Variants in ZNF736 observed in about 807,000 individuals in gnomAD.
ZNF736 encodes KRAB-containing zinc-finger repressor protein.
In ZNF736, 6 loss-of-function variants were observed where a neutral mutation model predicts 11.7. That is an observed-to-expected ratio of 0.51 (90% CI 0.28 to 1.01). The LOEUF (loss-of-function observed/expected upper bound fraction) is 1.01, where lower values mean the gene tolerates loss of function less well. Among genes scored for constraint, ZNF736 ranks in the 50% least tolerant of loss-of-function variants. ZNF736 has a pLI of 0.09. For synonymous variants in ZNF736, 139 were observed against 164.7 expected, an observed-to-expected ratio of 0.84 and a Z score of 1.19; for missense variants, 444 against 496.0, an observed-to-expected ratio of 0.90 and a Z score of 1.00.
chr7:64,331,635 A>G (rs1354837720), intron 1 of ZNF736, among the ~76,000 whole-genome samples: 1 of 152,128 alleles, frequency 6.6e-6, no homozygotes, highest in African/African-American at 2.4e-5. Context: ...ATCTTGCTCC[A>G]CTTCCCTTGC....
intron 1 of ZNF736, among the ~76,000 whole-genome samples, chr7:64,322,564 T>G (rs1789016666): frequency 1.3e-5 from 2 of 152,198 alleles, no homozygotes; most frequent in Admixed American, 1.3e-4. Context: ...AAATTACGGC[T>G]GAGAATGTGA....
At chr7:64,332,434 A>G (rs755347924) in intron 1 of ZNF736, among the ~76,000 whole-genome samples, 6 of 152,204 alleles carry the variant, frequency 3.9e-5, no homozygotes, top group Non-Finnish European at 5.9e-5. Context: ...CAAAGATCAC[A>G]TGCTTCAAAG....
intron 2 of ZNF736, 115 bp downstream of exon 2, chr7:64,336,500 A>G (rs1789252609): frequency 8.8e-7 from 1 of 1,131,422 alleles, no homozygotes; most frequent in Non-Finnish European, 1.2e-6. Flanking sequence ...CTTCAAAAAG[A>G]AAAAATTGGG....
intron 1 of ZNF736, among the ~76,000 whole-genome samples, chr7:64,322,215 C>T (rs1308190555): frequency 6.6e-6 from 1 of 151,896 alleles, no homozygotes; most frequent in Non-Finnish European, 1.5e-5. Context: ...TTCTTTTTAC[C>T]GCTTGTTCTT....
intron 3 of ZNF736, among the ~76,000 whole-genome samples, chr7:64,345,150 A>T (rs1789390829): frequency 6.6e-6 from 1 of 151,282 alleles, no homozygotes; most frequent in African/African-American, 2.4e-5. Flanking sequence ...ACGCCTCCAG[A>T]GTAGCTGGGG....
At chr7:64,334,629 T>C (rs6943206) in intron 1 of ZNF736, among the ~76,000 whole-genome samples, 13,580 of 152,136 alleles carry the variant, frequency 0.089, 986 homozygotes, top group African/African-American at 0.19. Flanking sequence ...CATTAAAAAG[T>C]CAGGAAACAG....
In ZNF736 at chr7:64,336,276, G is replaced by C; in HGVS notation, c.21G>C (p.Arg7Ser). 1 of 1,612,568 alleles carries C rather than the reference G, an allele frequency of 6.2e-7. No homozygotes were observed. The highest frequency in any genetic ancestry group is 2.2e-5 in the East Asian group (1 of 44,724). ...TTTTCCAGGGAGTGTTGACATTCAG[G>C]GATGTGGCTGTAGAATTCTCCCCAG... Reference protein sequence around the residue: MGVLTFRDVAVEFSPEE... With the variant: MGVLTFSDVAVEFSPEE... The change falls in exon 2 of 4, where the codon AGG (arginine) becomes AGC (serine). Residue 7 changes from arginine (R) to serine (S), a missense_variant. Transcript: ENST00000423484.
At chr7:64,343,256 G>T (rs1428926147) in intron 3 of ZNF736, among the ~76,000 whole-genome samples, 3 of 152,074 alleles carry the variant, frequency 2.0e-5, no homozygotes, top group Non-Finnish European at 4.4e-5. Flanking sequence ...GTTCTTTGTA[G>T]CAACACTGAT....
rs542181704 is a variant in ZNF736 at position 64,348,840 on chromosome 7, C to T, written c.977C>T (p.Ser326Leu). The change falls in exon 4 of 4, where the codon TCG becomes TTG. Residue 326 changes from serine to leucine, a missense_variant. By Grantham distance (145) the Ser-to-Leu change is moderately radical (BLOSUM62 -2). Coordinates refer to ENST00000423484, the MANE Select transcript of ZNF736 (RefSeq NM_001170905.3). ...NECGKAFKWF[S>L]ALSKHKRIHT... Reference sequence around the variant, plus strand: ...TGTGGAAAAGCTTTTAAGTGGTTCTCGGCCCTTAGTAAACATAAGAGAATT... The same window carrying T: ...TGTGGAAAAGCTTTTAAGTGGTTCTTGGCCCTTAGTAAACATAAGAGAATT... 502 of 1,596,574 alleles carry T rather than the reference C, an allele frequency of 3.1e-4. No individual in the cohort carries two copies. Among genetic ancestry groups the T allele is most frequent in the Non-Finnish European group, 4.2e-4 (488 of 1,171,264 alleles).
In ZNF736 at chr7:64,347,019, ATTATC is replaced by A. The variant is rs531498607; in HGVS notation, c.227-1068_227-1064del. 5.2e-3 allele frequency among the ~76,000 whole-genome samples: 770 copies of A among 149,490 alleles called. 4 individuals carry two copies. Among genetic ancestry groups the A allele is most frequent in the Admixed American group, 6.3e-3 (95 of 15,004 alleles). On this transcript the variant is annotated intron_variant, in intron 3 of 3. Transcript: ENST00000423484. ...ATATTCTTTTTTTTCTTTGAGCCAT[ATTATC>A]TTGATGTTTTGTTTATGTTGTAATG...
At chr7:64,327,578 T>C (rs1331462515) in intron 1 of ZNF736, among the ~76,000 whole-genome samples, 2 of 152,216 alleles carry the variant, frequency 1.3e-5, no homozygotes, top group East Asian at 1.9e-4. Context: ...CATTCTGTTA[T>C]CTGCTTTCTT....
chr7:64,322,563 C>T (rs1211581734), intron 1 of ZNF736, among the ~76,000 whole-genome samples: 1 of 152,074 alleles, frequency 6.6e-6, no homozygotes, highest in East Asian at 1.9e-4. Flanking sequence ...AAAATTACGG[C>T]TGAGAATGTG....
chr7:64,317,750 T>TTA (rs1788937491), intron 1 of ZNF736, among the ~76,000 whole-genome samples: 1 of 152,136 alleles, frequency 6.6e-6, no homozygotes, highest in Non-Finnish European at 1.5e-5. Flanking sequence ...TGTAAACCTT[T>TTA]TATAACCCCT....
At position 64,349,770 on chromosome 7, in the gene ZNF736, G is replaced by A. The variant is rs1789461775; in HGVS notation, c.*623G>A. On this transcript the variant is annotated 3_prime_UTR_variant, in exon 4 of 4. Coordinates refer to ENST00000423484, the MANE Select transcript of ZNF736 (RefSeq NM_001170905.3). ...CAGATCCTGTGGTAACATTTTCTCA[G>A]CATTTGCTTGTCTGAATAGGATCAT... 6.6e-6 allele frequency: 1 copy of A among 152,262 alleles called. No homozygotes were observed. The highest frequency in any genetic ancestry group is 2.4e-5 in the African/African-American group (1 of 41,412). 9.4% of individuals were successfully genotyped at this position (152,262 alleles called of 1,614,324 possible).
intron 1 of ZNF736, among the ~76,000 whole-genome samples, chr7:64,321,482 T>C (rs1789000854): frequency 6.6e-6 from 1 of 152,194 alleles, no homozygotes; most frequent in South Asian, 2.1e-4. Context: ...CTGCCAGTAT[T>C]ATGACCCAGA....
intron 1 of ZNF736, among the ~76,000 whole-genome samples, chr7:64,315,526 TTTG>T (rs999051075): frequency 1.3e-5 from 2 of 151,910 alleles, no homozygotes; most frequent in Admixed American, 1.3e-4. Flanking sequence ...CCTAAGTTGT[TTTG>T]TTGTTGTTGT....
chr7:64,324,355 A>C (rs1203015962), intron 1 of ZNF736, among the ~76,000 whole-genome samples: 1 of 152,118 alleles, frequency 6.6e-6, no homozygotes, highest in Non-Finnish European at 1.5e-5. Context: ...GGCTGAAGGG[A>C]GACTCCAGGT....
intron 1 of ZNF736, among the ~76,000 whole-genome samples, chr7:64,315,930 T>G (rs1413811451): frequency 2.0e-5 from 3 of 152,216 alleles, no homozygotes; most frequent in Non-Finnish European, 4.4e-5. Flanking sequence ...TATATTAGTC[T>G]GTTTGTGCAT....
chr7:64,345,064 C>T (rs568273325), intron 3 of ZNF736, among the ~76,000 whole-genome samples: 1 of 151,214 alleles, frequency 6.6e-6, no homozygotes, highest in East Asian at 2.0e-4. Context: ...CGCTCTGTCA[C>T]CCAGGCTGGA....
Sources: gnomAD v4.1 joint callset for allele counts (sites outside exome capture counted in the v4.1 genomes callset) on GRCh38, gnomAD v4.1.1 for gene constraint, MANE v1.5 for transcripts, NCBI Gene and HGNC (gene_info 2026-07-23, HGNC 2026-07-21) for gene names.